RANBP2: variants seen among roughly 807,000 people sequenced by gnomAD.
The protein encoded by RANBP2 is E3 SUMO-protein ligase RanBP2.
Under a neutral mutation model 303.6 loss-of-function variants are expected in RANBP2, and 57 were observed. That is an observed-to-expected ratio of 0.19 (90% confidence interval 0.15 to 0.23). RANBP2 has a LOEUF of 0.23. Among genes scored for constraint, RANBP2 ranks in the 10% least tolerant of loss-of-function variants. The probability of loss-of-function intolerance (pLI) is 1.00; values close to 1 mark genes in which losing one functional copy is unlikely to be tolerated. For synonymous variants in RANBP2, 1,167 were observed against 1,301.5 expected, an observed-to-expected ratio of 0.90 and a Z score of 2.23; for missense variants, 3,138 against 3,780.8, an observed-to-expected ratio of 0.83 and a Z score of 4.46.
At chr2:109,317,810 G>A in the RANBP2 span, among the ~76,000 whole-genome samples, 1 of 152,142 alleles carries the variant, frequency 6.6e-6, no homozygotes, top group Non-Finnish European at 1.5e-5. Context: ...TGTATCCTAG[G>A]ACTTTAAGAA....
the RANBP2 span, among the ~76,000 whole-genome samples, chr2:109,010,128 T>C: frequency 4.6e-5 from 7 of 152,358 alleles, no homozygotes; most frequent in Admixed American, 3.9e-4. Flanking sequence ...TTGTGTTCTT[T>C]ATGGCTTCTT....
chr2:108,735,549 T>C lies in RANBP2; in HGVS notation c.423T>C (p.Cys141=), dbSNP rs1238514950. Residue 141 remains cysteine (C), a synonymous_variant, in exon 5 of 29, where the codon TGT becomes TGC. Transcript: ENST00000283195. ...IYKLKEQLLD[C]EGEDGWNKLF... Reference sequence around the variant, plus strand: ...CTAAATAGGAACAGCTTCTAGATTGTGAAGGTGAAGATGGATGGAATAAAC... The same window carrying C: ...CTAAATAGGAACAGCTTCTAGATTGCGAAGGTGAAGATGGATGGAATAAAC... 1 of 1,597,576 alleles carries C rather than the reference T, an allele frequency of 6.3e-7. No homozygotes were observed.
chr2:109,251,719 T>C, the RANBP2 span: 4 of 766,414 alleles, frequency 5.2e-6, no homozygotes, highest in East Asian at 7.6e-5. Context: ...ATGTAAAAAT[T>C]AGGTCGTGTA....
chr2:109,638,692 T>G, the RANBP2 span, among the ~76,000 whole-genome samples: 1 of 152,208 alleles, frequency 6.6e-6, no homozygotes, highest in Non-Finnish European at 1.5e-5. Flanking sequence ...AAATTGTTTT[T>G]GAATGGAGTC....
chr2:108,880,007 G>T, the RANBP2 span, among the ~76,000 whole-genome samples: 12 of 152,142 alleles, frequency 7.9e-5, no homozygotes, highest in Non-Finnish European at 1.8e-4. Flanking sequence ...ATAAGCATGT[G>T]GTTGAGCTGG....
At chr2:109,485,046 C>T in the RANBP2 span, among the ~76,000 whole-genome samples, 4 of 152,230 alleles carry the variant, frequency 2.6e-5, no homozygotes, top group Non-Finnish European at 4.4e-5. Flanking sequence ...GCGTGTGCAG[C>T]GCAGCATGTG....
chr2:108,786,701 C>G (rs1226466233), downstream of RANBP2: 1 of 944,438 alleles, frequency 1.1e-6, no homozygotes. Context: ...CCCGCCCTTT[C>G]CCTGCCGCCG....
chr2:108,798,641 T>C, the RANBP2 span: 2 of 1,375,840 alleles, frequency 1.5e-6, no homozygotes, highest in South Asian at 1.3e-5. Flanking sequence ...TCTTCTTAGA[T>C]TCACTAGTTA....
At chr2:109,410,673 G>A in the RANBP2 span, among the ~76,000 whole-genome samples, 2 of 152,256 alleles carry the variant, frequency 1.3e-5, no homozygotes, top group Admixed American at 6.5e-5. Context: ...CAGCTCCTTC[G>A]GAACATGTGT....
At chr2:108,912,272 ATGTACATTCTGCAAGTT>A in the RANBP2 span, among the ~76,000 whole-genome samples, 3 of 152,200 alleles carry the variant, frequency 2.0e-5, no homozygotes, top group Admixed American at 6.5e-5. Flanking sequence ...GGAGAATGAA[ATGTACATTCTGCAAGTT>A]AATATTAAAG....
intron 7 of RANBP2, among the ~76,000 whole-genome samples, chr2:108,742,158 G>A (rs772105184): frequency 7.3e-5 from 11 of 151,606 alleles, no homozygotes; most frequent in African/African-American, 9.7e-5. Flanking sequence ...CACCACGCCC[G>A]TCTAATTTTG....
At chr2:108,879,960 T>C in the RANBP2 span, among the ~76,000 whole-genome samples, 1 of 152,190 alleles carries the variant, frequency 6.6e-6, no homozygotes, top group Admixed American at 6.5e-5. Flanking sequence ...CTATATCTAT[T>C]CTCCAGGTGC....
chr2:109,032,647 G>A, the RANBP2 span, among the ~76,000 whole-genome samples: 1 of 152,282 alleles, frequency 6.6e-6, no homozygotes, highest in Non-Finnish European at 1.5e-5. Context: ...AACTAGATGT[G>A]TCTTCTGGGA....
At chr2:109,735,678 T>TC in the RANBP2 span, among the ~76,000 whole-genome samples, 1 of 152,278 alleles carries the variant, frequency 6.6e-6, no homozygotes, top group South Asian at 2.1e-4. Context: ...CAGGGTTTTT[T>TC]CACAATCAAA....
chr2:109,654,218 C>A, the RANBP2 span, among the ~76,000 whole-genome samples: 1 of 151,988 alleles, frequency 6.6e-6, no homozygotes, highest in Non-Finnish European at 1.5e-5. Flanking sequence ...CCCCCACTAA[C>A]AAGGTTCTAC....
At chr2:109,653,349 C>T in the RANBP2 span, among the ~76,000 whole-genome samples, 3 of 150,978 alleles carry the variant, frequency 2.0e-5, no homozygotes, top group African/African-American at 7.3e-5. Context: ...GAGCCGAGTT[C>T]GCGGCACCCT....
At chr2:109,538,898 T>A in the RANBP2 span, among the ~76,000 whole-genome samples, 1 of 152,258 alleles carries the variant, frequency 6.6e-6, no homozygotes, top group African/African-American at 2.4e-5. Context: ...TTCCTCTGTA[T>A]TTTCAAATGT....
chr2:109,356,214 C>T, the RANBP2 span, among the ~76,000 whole-genome samples: 1 of 152,066 alleles, frequency 6.6e-6, no homozygotes, highest in African/African-American at 2.4e-5. Flanking sequence ...ATTTTCCCAG[C>T]CCAGCCTCTA....
the RANBP2 span, among the ~76,000 whole-genome samples, chr2:109,132,897 T>G: frequency 6.6e-6 from 1 of 152,242 alleles, no homozygotes; most frequent in African/African-American, 2.4e-5. Flanking sequence ...ATTCAAAACA[T>G]GCTTTTTAAT....
Sources: allele counts gnomAD v4.1 joint callset (sites outside exome capture counted in the v4.1 genomes callset), GRCh38; gene constraint gnomAD v4.1.1; transcripts MANE v1.5; gene names NCBI Gene and HGNC (gene_info 2026-07-23, HGNC 2026-07-21).